ADGRB3: variants seen among roughly 807,000 people sequenced by gnomAD.
ADGRB3 encodes the protein adhesion G protein-coupled receptor B3, also known as brain-specific angiogenesis inhibitor 3.
In ADGRB3, 37 loss-of-function variants were observed where a neutral mutation model predicts 193.4. The ratio of observed to expected loss-of-function variants is 0.19; its 90% CI spans 0.15 to 0.25. ADGRB3 has a LOEUF of 0.25. ADGRB3 is among the 10% of genes least tolerant of loss of function. The probability of loss-of-function intolerance (pLI) is 1.00; values close to 1 mark genes in which losing one functional copy is unlikely to be tolerated. For synonymous variants in ADGRB3, 690 were observed against 644.2 expected, an observed-to-expected ratio of 1.07 and a Z score of -1.08; for missense variants, 1,637 against 1,852.9, an observed-to-expected ratio of 0.88 and a Z score of 2.14.
rs186945232 is a variant in ADGRB3 at position 69,265,416 on chromosome 6, G to A, written c.2814+26190G>A. 1.2e-3 allele frequency among the ~76,000 whole-genome samples: 182 copies of A among 151,894 alleles called. 2 individuals carry two copies. Among genetic ancestry groups the A allele is most frequent in the Non-Finnish European group, 1.3e-4 (9 of 67,850 alleles). On this transcript the variant is annotated intron_variant, in intron 20 of 31. Coordinates refer to ENST00000370598, the MANE Select transcript of ADGRB3 (RefSeq NM_001704.3). ...ACTCTTTATTAGTCTGACTAAAACT[G>A]ATCCCACATTTAAACAACCTTGCAG...
intron 17 of ADGRB3, among the ~76,000 whole-genome samples, chr6:69,185,412 A>C (rs1765046614): frequency 6.6e-6 from 1 of 152,162 alleles, no homozygotes; most frequent in Non-Finnish European, 1.5e-5. Context: ...TCTTTCATGA[A>C]AGAAAAATGA....
intron 13 of ADGRB3, among the ~76,000 whole-genome samples, chr6:69,040,400 A>C (rs1771019290): frequency 1.1e-5 from 1 of 88,622 alleles, no homozygotes; most frequent in African/African-American, 4.6e-5. Flanking sequence ...TCTTTCCTTC[A>C]CGCAGGTGAC....
At chr6:69,297,368 T>C (rs12209131) in intron 20 of ADGRB3, among the ~76,000 whole-genome samples, 27,125 of 96,110 alleles carry the variant, frequency 0.28, 2,101 homozygotes, top group African/African-American at 0.31. Context: ...CTCTCTCTCT[T>C]TCTCTCTCTC....
intron 3 of ADGRB3, among the ~76,000 whole-genome samples, chr6:68,715,992 CA>C (rs574169392): frequency 2.6e-5 from 4 of 151,222 alleles, no homozygotes; most frequent in Middle Eastern, 3.2e-3. Flanking sequence ...GTCTAAACGT[CA>C]AAAAAATGCC....
chr6:68,908,918 A>C (rs1178930921), intron 3 of ADGRB3, among the ~76,000 whole-genome samples: 1 of 152,156 alleles, frequency 6.6e-6, no homozygotes, highest in African/African-American at 2.4e-5. Context: ...ATGGACATCC[A>C]ATCAGAAAAG....
intron 10 of ADGRB3, among the ~76,000 whole-genome samples, chr6:68,985,840 T>C (rs1185909120): frequency 6.6e-6 from 1 of 152,138 alleles, no homozygotes; most frequent in African/African-American, 2.4e-5. Flanking sequence ...TTGAGAAATC[T>C]ACAGAGAAAC....
At chr6:68,637,803 T>G (rs375930029) in intron 2 of ADGRB3, among the ~76,000 whole-genome samples, 15 of 25,776 alleles carry the variant, frequency 5.8e-4, no homozygotes, top group African/African-American at 3.1e-3. Flanking sequence ...TGGTTCTGGA[T>G]TTTTTTTTTT....
chr6:68,681,992 G>A (rs1764905528), intron 3 of ADGRB3, among the ~76,000 whole-genome samples: 1 of 152,152 alleles, frequency 6.6e-6, no homozygotes, highest in African/African-American at 2.4e-5. Context: ...GGAAGTTACT[G>A]GGTGATTTAG....
rs1582652363 is a variant in ADGRB3, at chr6:69,354,471, C to T, written c.3555+143C>T. The T allele has an allele frequency of 1.0e-5, 7 of 675,466 alleles. No homozygotes were observed. The East Asian group carries it at 1.9e-4, about 18-fold the overall frequency. The allele number at this position is 675,466 out of a possible 1,614,324, so 41.8% of individuals were successfully genotyped here. On this transcript the variant is annotated intron_variant, in intron 27 of 31. Transcript: ENST00000370598. ...CATTAATAGACTGTGAACTCTGGTA[C>T]CACAGAAGTATTATTTCCAGATGGC... is the stretch of plus-strand genomic sequence containing the variant.
chr6:69,374,463 C>T (rs1248189813), intron 30 of ADGRB3, among the ~76,000 whole-genome samples: 13 of 152,044 alleles, frequency 8.6e-5, no homozygotes, highest in Admixed American at 5.3e-4. Context: ...TATTTTGCCA[C>T]TGACAGACTG....
intron 24 of ADGRB3, among the ~76,000 whole-genome samples, chr6:69,334,284 T>A (rs1383825195): frequency 6.6e-6 from 1 of 152,170 alleles, no homozygotes; most frequent in South Asian, 2.1e-4. Flanking sequence ...CAGTTACTTA[T>A]GAAATTTTAA....
At chr6:68,937,394 ATAAG>A (rs1197595454) in intron 5 of ADGRB3, among the ~76,000 whole-genome samples, 1 of 152,206 alleles carries the variant, frequency 6.6e-6, no homozygotes. Context: ...TCATGTAAAA[ATAAG>A]TAATAATAGG....
intron 3 of ADGRB3, among the ~76,000 whole-genome samples, chr6:68,884,009 A>C (rs1765822219): frequency 6.6e-6 from 1 of 150,612 alleles, no homozygotes; most frequent in East Asian, 1.9e-4. Flanking sequence ...CAGAATTAAA[A>C]GATATTTTAA....
At chr6:68,650,820 G>A (rs548680108) in intron 3 of ADGRB3, among the ~76,000 whole-genome samples, 21 of 152,010 alleles carry the variant, frequency 1.4e-4, no homozygotes, top group South Asian at 1.0e-3. Context: ...CATCAAGAAA[G>A]GAGCCTGAGA....
intron 17 of ADGRB3, among the ~76,000 whole-genome samples, chr6:69,138,186 AG>A (rs1472317857): frequency 6.6e-6 from 1 of 152,224 alleles, no homozygotes; most frequent in Non-Finnish European, 1.5e-5. Flanking sequence ...CCCAGGAAGA[AG>A]AAAAAAATTT....
chr6:68,994,116 C>A (rs1441275545), intron 11 of ADGRB3, among the ~76,000 whole-genome samples, 154 bp downstream of exon 11: 2 of 152,076 alleles, frequency 1.3e-5, no homozygotes, highest in African/African-American at 4.8e-5. Flanking sequence ...GACCTCAGTT[C>A]CCTTAGTCAT....
chr6:68,656,782 AC>A (rs1434733780), intron 3 of ADGRB3, among the ~76,000 whole-genome samples: 1 of 151,490 alleles, frequency 6.6e-6, no homozygotes, highest in African/African-American at 2.4e-5. Context: ...TCCACTCCCA[AC>A]CCTGCTTTCC....
chr6:69,373,621 T>C (rs1001830678), intron 30 of ADGRB3, among the ~76,000 whole-genome samples: 1 of 152,102 alleles, frequency 6.6e-6, no homozygotes, highest in Non-Finnish European at 1.5e-5. Context: ...TAAATCTGAA[T>C]AGACAATATT....
At chr6:69,039,109 T>A (rs1239857500) in intron 13 of ADGRB3, among the ~76,000 whole-genome samples, 1 of 152,144 alleles carries the variant, frequency 6.6e-6, no homozygotes, top group Non-Finnish European at 1.5e-5. Flanking sequence ...ACTGTCAAGG[T>A]ATAGCAGTAC....
Sources: allele counts gnomAD v4.1 joint callset (sites outside exome capture counted in the v4.1 genomes callset), GRCh38; gene constraint gnomAD v4.1.1; transcripts MANE v1.5; gene names NCBI Gene and HGNC (gene_info 2026-07-23, HGNC 2026-07-21).